TUBB8: variants seen among roughly 807,000 people sequenced by gnomAD.
The protein encoded by TUBB8 is tubulin beta 8 class VIII.
In TUBB8, 25 loss-of-function variants were observed where a neutral mutation model predicts 33.7. The observed-to-expected ratio is 0.74, with a 90% confidence interval of 0.54 to 1.04. The LOEUF (loss-of-function observed/expected upper bound fraction) is 1.04, where lower values mean the gene tolerates loss of function less well. Ranked by LOEUF, TUBB8 falls within the 50% of genes least tolerant of loss-of-function variation. The pLI, the probability that TUBB8 is intolerant of heterozygous loss-of-function variation, is 0.00. For synonymous variants in TUBB8, 245 were observed against 240.1 expected, an observed-to-expected ratio of 1.02 and a Z score of -0.19; for missense variants, 279 against 608.0, an observed-to-expected ratio of 0.46 and a Z score of 5.69.
At chr10:49,322 T>C (rs1834433590), upstream of TUBB8, 2 of 1,409,972 alleles carry the variant, frequency 1.4e-6, no homozygotes, top group Admixed American at 4.0e-5. Flanking sequence ...CCGCCAACGT[T>C]TAAATAGCCC....
intron 1 of TUBB8, among the ~76,000 whole-genome samples, chr10:71,716 C>T (rs1834738546): frequency 6.6e-6 from 1 of 151,666 alleles, no homozygotes; most frequent in Non-Finnish European, 1.5e-5. Context: ...CACTTGAGCC[C>T]AGGAGTTAAA....
downstream of TUBB8, chr10:46,834 G>A: frequency 2.2e-6 from 1 of 450,034 alleles, no homozygotes; most frequent in Non-Finnish European, 4.0e-6. Context: ...GGACAACTAT[G>A]CGCATCTGGC....
chr10:47,052 G>A lies in TUBB8; in HGVS notation c.*5C>T, dbSNP rs782430269. On this transcript the variant is annotated 3_prime_UTR_variant, in exon 4 of 4. Coordinates refer to ENST00000568584, the MANE Select transcript of TUBB8 (RefSeq NM_177987.3). ...CTTCCCCCCTTTACCTAGAAAAGGA[G>A]AGTTCTAGGCCACCTCCTCCTCGGC... is the stretch of plus-strand genomic sequence containing the variant. The A allele has an allele frequency of 7.5e-6, 7 of 935,998 alleles. No homozygotes were observed. Among genetic ancestry groups the A allele is most frequent in the Middle Eastern group, 3.3e-4 (1 of 3,034 alleles). 58.0% of individuals were successfully genotyped at this position (935,998 alleles called of 1,614,324 possible).
chr10:51,617 A>G (rs562481373), upstream of TUBB8, among the ~76,000 whole-genome samples: 25 of 152,152 alleles, frequency 1.6e-4, no homozygotes, highest in African/African-American at 5.8e-4. Flanking sequence ...GAAAGACTAG[A>G]AGCACCTGTG....
intron 1 of TUBB8, 31 bp downstream of exon 1, chr10:49,151 G>A (rs370158636): frequency 1.3e-4 from 204 of 1,554,862 alleles, no homozygotes; most frequent in South Asian, 3.4e-4. Flanking sequence ...CGGCAGGCCC[G>A]GGCTAGGCCC....
At chr10:70,477 A>G (rs1834722750) in intron 1 of TUBB8, among the ~76,000 whole-genome samples, 1 of 152,106 alleles carries the variant, frequency 6.6e-6, no homozygotes, top group Non-Finnish European at 1.5e-5. Context: ...TTAAAATATT[A>G]TTGATGGAAA....
intron 1 of TUBB8, among the ~76,000 whole-genome samples, chr10:60,974 G>A (rs1834594355): frequency 1.3e-5 from 2 of 150,324 alleles, no homozygotes; most frequent in Admixed American, 6.7e-5. Context: ...ACTATCGCAA[G>A]AACAAAAAAC....
upstream of TUBB8, among the ~76,000 whole-genome samples, chr10:50,728 T>A (rs1301230128): frequency 6.6e-6 from 1 of 152,220 alleles, no homozygotes; most frequent in East Asian, 1.9e-4. Flanking sequence ...AACTTTTAAA[T>A]TCTTTCCCAA....
chr10:61,526 G>A (rs1834601453), intron 1 of TUBB8, among the ~76,000 whole-genome samples: 1 of 152,152 alleles, frequency 6.6e-6, no homozygotes, highest in South Asian at 2.1e-4. Context: ...TTAACATATG[G>A]TCTATCCTTG....
Position 47,258 on chromosome 10 carries a change from G to C in TUBB8, c.1134C>G (p.Phe378Leu), listed in dbSNP as rs1354887369. The change falls in exon 4 of 4, where the codon TTC (phenylalanine) becomes TTG (leucine). Residue 378 changes from phenylalanine to leucine, a missense_variant. Coordinates refer to ENST00000568584, the MANE Select transcript of TUBB8 (RefSeq NM_177987.3). ...IGNNTAIQEL[F>L]KRVSEQFTAM... ...CTGTAAACTGCTCTGAGACACGCTT[G>C]AAGAGTTCCTGGATGGCCGTATTAT... The C allele has an allele frequency of 6.2e-7, 1 of 1,613,692 alleles. No homozygotes were observed.
At chr10:64,580 A>G (rs1479134150) in intron 1 of TUBB8, among the ~76,000 whole-genome samples, 5 of 152,106 alleles carry the variant, frequency 3.3e-5, no homozygotes, top group Non-Finnish European at 7.4e-5. Context: ...CCATTACCCC[A>G]ACCCTAAATC....
Position 47,094 on chromosome 10 carries a change from T to C in TUBB8, c.1298A>G (p.Glu433Gly), listed in dbSNP as rs1834345314. 7.1e-7 allele frequency: 1 copy of C among 1,411,692 alleles called. No individual in the cohort carries two copies. Among genetic ancestry groups the C allele is most frequent in the Non-Finnish European group, 1.0e-6 (1 of 1,004,684 alleles). The allele number at this position is 1,411,692 out of a possible 1,614,324, so 87.4% of individuals were successfully genotyped here. Residue 433 changes from glutamate to glycine, a missense_variant, in exon 4 of 4, where the codon GAG becomes GGG. By Grantham distance (98) the Glu-to-Gly change is moderately conservative. Around this residue, in one of 4 missense-constraint regions of TUBB8, gnomAD observed 123 missense variants for 228.9 expected, o/e 0.54. Coordinates refer to ENST00000568584, the MANE Select transcript of TUBB8 (RefSeq NM_177987.3). ...CTCCTCGGCATACTCCTCATCCTCCTCCTCCTCGGCCGTGGCATCCTGATA... is the reference window on the plus strand; with the variant it reads ...CTCCTCGGCATACTCCTCATCCTCCCCCTCCTCGGCCGTGGCATCCTGATA... ...QQYQDATAEE[E>G]EDEEYAEEEV...
upstream of TUBB8, among the ~76,000 whole-genome samples, chr10:51,077 G>A (rs1834463306): frequency 6.6e-6 from 1 of 152,216 alleles, no homozygotes; most frequent in South Asian, 2.1e-4. Flanking sequence ...ATCAGGGGAT[G>A]GGTCTTTCCC....
chr10:53,933 A>T (rs1834499205), upstream of TUBB8, among the ~76,000 whole-genome samples: 1 of 152,268 alleles, frequency 6.6e-6, no homozygotes, highest in Admixed American at 6.5e-5. Flanking sequence ...TAGTTGGTGT[A>T]TATATTTATG....
At chr10:69,736 A>G (rs1834713095) in intron 1 of TUBB8, among the ~76,000 whole-genome samples, 1 of 152,220 alleles carries the variant, frequency 6.6e-6, no homozygotes, top group Admixed American at 6.5e-5. Flanking sequence ...CTCTACAAAA[A>G]AAATACAAAA....
chr10:64,954 T>C (rs368888184), intron 1 of TUBB8, among the ~76,000 whole-genome samples: 14,356 of 106,508 alleles, frequency 0.13, no homozygotes, highest in African/African-American at 0.3. Context: ...CTGGTCAACA[T>C]GAGGAAACCC....
chr10:71,449 T>C (rs1554742309), intron 1 of TUBB8, among the ~76,000 whole-genome samples: 1 of 147,092 alleles, frequency 6.8e-6, no homozygotes, highest in Non-Finnish European at 1.5e-5. Context: ...GCCTGACCAA[T>C]ATGGTGAAAC....
At chr10:54,828 G>A (rs868983158) in intron 1 of TUBB8, among the ~76,000 whole-genome samples, 33 of 152,240 alleles carry the variant, frequency 2.2e-4, no homozygotes, top group Middle Eastern at 6.8e-3. Context: ...GTATGATCTC[G>A]GTTCACTGCA....
At chr10:54,772 G>A (rs1174743295) in intron 1 of TUBB8, among the ~76,000 whole-genome samples, 3 of 152,066 alleles carry the variant, frequency 2.0e-5, no homozygotes, top group African/African-American at 4.8e-5. Flanking sequence ...ATCTATTTAT[G>A]TATTGAGATG....
Sources: gnomAD v4.1 joint callset for allele counts (sites outside exome capture counted in the v4.1 genomes callset) on GRCh38, gnomAD v4.1.1 for gene constraint, gnomAD v4.1.1 regional missense constraint, MANE v1.5 for transcripts, NCBI Gene and HGNC (gene_info 2026-07-23, HGNC 2026-07-21) for gene names.